Variants in EPHA6 observed in about 807,000 individuals in gnomAD.
The protein encoded by EPHA6 is ephrin type-A receptor 6.
A neutral mutation model predicts 112.0 loss-of-function variants in EPHA6; 50 were observed. That is an observed-to-expected ratio of 0.45 (90% CI 0.36 to 0.56). EPHA6 has a LOEUF of 0.56. EPHA6 is among the 20% of genes least tolerant of loss of function. The probability of loss-of-function intolerance (pLI) is 0.00; values close to 1 mark genes in which losing one functional copy is unlikely to be tolerated. For synonymous variants in EPHA6, 529 were observed against 490.7 expected, an observed-to-expected ratio of 1.08 and a Z score of -1.03; for missense variants, 1,280 against 1,417.4, an observed-to-expected ratio of 0.90 and a Z score of 1.56.
chr3:97,562,961 A>G (rs1332262623), intron 11 of EPHA6, among the ~76,000 whole-genome samples: 3 of 152,148 alleles, frequency 2.0e-5, no homozygotes, highest in African/African-American at 7.2e-5. Flanking sequence ...AATACAAAAT[A>G]TGTATTTTGT....
intron 11 of EPHA6, among the ~76,000 whole-genome samples, chr3:97,564,728 G>A (rs1250392131): frequency 6.6e-6 from 1 of 152,036 alleles, no homozygotes; most frequent in Non-Finnish European, 1.5e-5. Context: ...ATTTTGTTGG[G>A]TTTGATACAT....
chr3:97,505,409 A>C (rs1161254356), intron 10 of EPHA6, among the ~76,000 whole-genome samples: 2 of 150,212 alleles, frequency 1.3e-5, no homozygotes, highest in African/African-American at 2.5e-5. Flanking sequence ...TCATTGTTCA[A>C]CTCCCACTTA....
In EPHA6 at chr3:96,932,176, G is replaced by A. The variant is rs578216390; in HGVS notation, c.451-55154G>A. On this transcript the variant is annotated intron_variant, in intron 2 of 17. Coordinates refer to ENST00000389672, the MANE Select transcript of EPHA6 (RefSeq NM_001080448.3). ...TGCTTTTCTTCATTCTCTGTGGATT[G>A]AGTTGTTTGCCTAATCAGTCCCAAT... Among the ~76,000 whole-genome samples, 10 of 152,220 alleles carry A rather than the reference G, an allele frequency of 6.6e-5. No homozygotes were observed. The South Asian group carries it at 1.7e-3, about 25-fold the overall frequency.
At chr3:97,163,367 AC>A (rs1169916188) in intron 3 of EPHA6, among the ~76,000 whole-genome samples, 3 of 152,144 alleles carry the variant, frequency 2.0e-5, no homozygotes, top group Admixed American at 6.6e-5. Context: ...TCCCCAAACG[AC>A]AAAATTTATT....
intron 2 of EPHA6, among the ~76,000 whole-genome samples, chr3:96,871,039 G>T (rs6774228): frequency 0.93 from 141,056 of 152,054 alleles, 65,516 homozygotes; most frequent in East Asian, 1. Context: ...TGAATATGGA[G>T]TGCTATAGTT....
chr3:97,279,866 T>G (rs1159777453), intron 5 of EPHA6, among the ~76,000 whole-genome samples: 1 of 152,156 alleles, frequency 6.6e-6, no homozygotes, highest in Non-Finnish European at 1.5e-5. Context: ...CCCTAGCATT[T>G]CTTTTTTCTT....
chr3:97,023,625 T>A (rs1202178487), intron 3 of EPHA6, among the ~76,000 whole-genome samples: 1 of 152,050 alleles, frequency 6.6e-6, no homozygotes, highest in African/African-American at 2.4e-5. Flanking sequence ...GTTTTCAACT[T>A]TATAGTATAT....
chr3:96,867,082 T>A (rs1180932095), intron 2 of EPHA6, among the ~76,000 whole-genome samples, 193 bp downstream of exon 2: 1 of 151,894 alleles, frequency 6.6e-6, no homozygotes. Context: ...TCCTCTCTCC[T>A]AAATTAGTAA....
intron 8 of EPHA6, among the ~76,000 whole-genome samples, chr3:97,477,192 C>T (rs1560049259): frequency 6.6e-6 from 1 of 152,052 alleles, no homozygotes; most frequent in Non-Finnish European, 1.5e-5. Flanking sequence ...AATCTCTAAA[C>T]CAATTAACCA....
rs543271500 is a variant in EPHA6, at chr3:97,425,178, GGACAGCGGCCCTCTTCT to G, written c.1731+19905_1731+19921del. ...CGTGGATCTGCCGTTCGGGTCTGGA[GGACAGCGGCCCTCTTCT>G]CACAGCTCCACTAGGCAGTACCCCA... is the stretch of plus-strand genomic sequence containing the variant. On this transcript the variant is annotated intron_variant, in intron 6 of 17. Transcript: ENST00000389672. 4.8e-3 allele frequency among the ~76,000 whole-genome samples: 729 copies of G among 152,268 alleles called. 7 individuals are homozygous for G. The highest frequency in any genetic ancestry group is 0.017 in the African/African-American group (702 of 41,546).
intron 5 of EPHA6, among the ~76,000 whole-genome samples, chr3:97,403,534 C>T (rs2087126960): frequency 6.6e-6 from 1 of 152,304 alleles, no homozygotes; most frequent in East Asian, 1.9e-4. Flanking sequence ...GCAAACTCCG[C>T]CTCCCGGGTT....
At chr3:97,543,820 G>A (rs1385093979) in intron 11 of EPHA6, among the ~76,000 whole-genome samples, 18 of 151,998 alleles carry the variant, frequency 1.2e-4, no homozygotes, top group Middle Eastern at 3.4e-3. Context: ...CATCCCTTGT[G>A]AGTTGGATTC....
chr3:97,583,529 ACT>A (rs1466015796), intron 11 of EPHA6, among the ~76,000 whole-genome samples: 4 of 150,756 alleles, frequency 2.7e-5, no homozygotes, highest in Non-Finnish European at 5.9e-5. Context: ...ACAGAGCAAG[ACT>A]CTGTCTCAAA....
intron 2 of EPHA6, among the ~76,000 whole-genome samples, chr3:96,949,419 T>G (rs1304832990): frequency 2.0e-5 from 3 of 152,078 alleles, no homozygotes; most frequent in African/African-American, 4.8e-5. Flanking sequence ...ACCTAACCAC[T>G]CTATGCCTCA....
At chr3:97,222,678 C>A (rs1196775719) in intron 3 of EPHA6, among the ~76,000 whole-genome samples, 1 of 152,128 alleles carries the variant, frequency 6.6e-6, no homozygotes, top group African/African-American at 2.4e-5. Context: ...TGAATTGTGC[C>A]ATTACCAGAC....
chr3:96,887,684 C>T (rs113185088), intron 2 of EPHA6, among the ~76,000 whole-genome samples: 1 of 152,058 alleles, frequency 6.6e-6, no homozygotes, highest in Non-Finnish European at 1.5e-5. Flanking sequence ...TTTTCTGCTA[C>T]CAGGGTAGGT....
rs1031966497 is a variant in EPHA6 at position 97,740,090 on chromosome 3, A to G, written c.3128+3972A>G. Among the ~76,000 whole-genome samples the G allele has an allele frequency of 7.2e-5, 11 of 151,990 alleles. No homozygotes were observed. In the South Asian group the frequency reaches 8.3e-4, roughly 11 times the overall value. On this transcript the variant is annotated intron_variant, in intron 16 of 17. Coordinates refer to ENST00000389672, the MANE Select transcript of EPHA6 (RefSeq NM_001080448.3). ...AGCCTTGTAGCTGCTCCCAACCCCA[A>G]GTATTTTCCCACTTTGTAGCTTGAT...
intron 10 of EPHA6, among the ~76,000 whole-genome samples, chr3:97,489,073 A>G (rs994283290): frequency 2.6e-5 from 4 of 152,256 alleles, no homozygotes; most frequent in Non-Finnish European, 4.4e-5. Context: ...GGGTCACTCC[A>G]TGTATAAAGT....
At chr3:97,466,262 A>C in intron 7 of EPHA6, 1 of 1,131,536 alleles carries the variant, frequency 8.8e-7, no homozygotes. Flanking sequence ...AAAAGATGAC[A>C]GTAAGGTTAG....
Sources: gnomAD v4.1 joint callset for allele counts (sites outside exome capture counted in the v4.1 genomes callset) on GRCh38, gnomAD v4.1.1 for gene constraint, MANE v1.5 for transcripts, NCBI Gene and HGNC (gene_info 2026-07-23, HGNC 2026-07-21) for gene names.